The following HPSE2 variants were observed in gnomAD, a reference collection of about 807,000 sequenced individuals.
HPSE2 encodes the protein inactive heparanase-2.
A neutral mutation model predicts 60.5 loss-of-function variants in HPSE2; 38 were observed. The ratio of observed to expected loss-of-function variants is 0.63; its 90% confidence interval spans 0.48 to 0.82. HPSE2 has a LOEUF of 0.82. Among genes scored for constraint, HPSE2 ranks in the 40% least tolerant of loss-of-function variants. The pLI is 0.00. For synonymous variants in HPSE2, 295 were observed against 293.2 expected (o/e 1.01, Z -0.06); for missense variants, 713 against 740.4 (o/e 0.96, Z 0.43).
intron 3 of HPSE2, among the ~76,000 whole-genome samples, chr10:98,805,379 G>A (rs935729338): frequency 2.6e-5 from 4 of 151,868 alleles, no homozygotes; most frequent in African/African-American, 9.7e-5. Context: ...GAGTATAATT[G>A]GATTGTTTAT....
chr10:99,099,381 A>T (rs1843852435), intron 3 of HPSE2, among the ~76,000 whole-genome samples: 1 of 152,190 alleles, frequency 6.6e-6, no homozygotes, highest in Non-Finnish European at 1.5e-5. Context: ...ATGCCCGTGG[A>T]GTCTCGCTCA....
chr10:98,514,052 A>G (rs941924239), intron 9 of HPSE2, among the ~76,000 whole-genome samples: 1 of 152,180 alleles, frequency 6.6e-6, no homozygotes, highest in African/African-American at 2.4e-5. Context: ...ACATATGTAT[A>G]TATATATATT....
intron 9 of HPSE2, among the ~76,000 whole-genome samples, chr10:98,580,881 T>C (rs1944779485): frequency 6.9e-6 from 1 of 145,334 alleles, no homozygotes; most frequent in African/African-American, 2.6e-5. Context: ...ATGATATATA[T>C]AAAATATATA....
chr10:98,571,517 C>T (rs472130), intron 9 of HPSE2, among the ~76,000 whole-genome samples: 130,975 of 152,140 alleles, frequency 0.86, 57,310 homozygotes, highest in East Asian at 1. Context: ...AATTGGCCAA[C>T]AAAATTACAT....
At chr10:98,585,350 C>T (rs11189695) in intron 9 of HPSE2, among the ~76,000 whole-genome samples, 84,054 of 150,664 alleles carry the variant, frequency 0.56, 23,634 homozygotes, top group Admixed American at 0.6. Context: ...TGGCTCACTG[C>T]GACCTCCACC....
At chr10:98,552,213 A>G (rs925936518) in intron 9 of HPSE2, among the ~76,000 whole-genome samples, 1 of 152,138 alleles carries the variant, frequency 6.6e-6, no homozygotes, top group Non-Finnish European at 1.5e-5. Context: ...TTTAAGGGAA[A>G]ATAGGTAGCT....
At chr10:98,781,676 G>A (rs1198093976) in intron 3 of HPSE2, among the ~76,000 whole-genome samples, 1 of 151,662 alleles carries the variant, frequency 6.6e-6, no homozygotes, top group African/African-American at 2.4e-5. Context: ...CACCAAATTG[G>A]CAGAATAATT....
In HPSE2 at chr10:98,653,414, GT is replaced by G. The variant is rs35797951; in HGVS notation, c.1005-11475del. Among the ~76,000 whole-genome samples the G allele has an allele frequency of 1.0e-2, 1,448 of 145,352 alleles. 30 individuals carry two copies. The highest frequency in any genetic ancestry group is 0.047 in the Admixed American group (692 of 14,710). On this transcript the variant is annotated intron_variant, in intron 6 of 11. Transcript: ENST00000370552. ...TAAGTGTTTTCTATTCCTTGTATCT[GT>G]TTTTTTTTTAATCTCTTCTTTTTTT... is the stretch of plus-strand genomic sequence containing the variant.
At chr10:98,610,287 G>A (rs979247774) in intron 9 of HPSE2, among the ~76,000 whole-genome samples, 8 of 152,198 alleles carry the variant, frequency 5.3e-5, no homozygotes, top group African/African-American at 1.9e-4. Flanking sequence ...ACACTTTGGA[G>A]GGAAACAAGG....
the HPSE2 span, among the ~76,000 whole-genome samples, chr10:99,274,581 A>G: frequency 1.3e-5 from 2 of 152,202 alleles, no homozygotes; most frequent in African/African-American, 2.4e-5. Flanking sequence ...TCTGTGTCCA[A>G]ATATTTAAAG....
chr10:98,530,269 T>A (rs1010518766), intron 9 of HPSE2, among the ~76,000 whole-genome samples: 3 of 152,192 alleles, frequency 2.0e-5, no homozygotes, highest in Admixed American at 2.0e-4. Context: ...CTGTGTTCCA[T>A]CCCTCACTTG....
chr10:99,315,434 C>T, the HPSE2 span, among the ~76,000 whole-genome samples: 2 of 152,078 alleles, frequency 1.3e-5, no homozygotes, highest in South Asian at 4.1e-4. Context: ...TCACAGACGA[C>T]CAGAATTCTA....
chr10:98,557,253 G>A (rs942110472), intron 9 of HPSE2, among the ~76,000 whole-genome samples: 3 of 152,050 alleles, frequency 2.0e-5, no homozygotes, highest in African/African-American at 7.2e-5. Flanking sequence ...TTCAGACATC[G>A]AGGTTTTGGT....
intron 3 of HPSE2, among the ~76,000 whole-genome samples, chr10:98,969,504 A>G (rs1288517398): frequency 6.6e-6 from 1 of 152,192 alleles, no homozygotes; most frequent in Non-Finnish European, 1.5e-5. Context: ...GCAAATGGAC[A>G]AGTCTATACT....
At chr10:99,004,274 A>G (rs538598216) in intron 3 of HPSE2, among the ~76,000 whole-genome samples, 1 of 151,290 alleles carries the variant, frequency 6.6e-6, no homozygotes, top group African/African-American at 2.4e-5. Flanking sequence ...AGGGCTTATC[A>G]CTGTTATTTT....
At chr10:98,812,900 C>T (rs1214670390) in intron 3 of HPSE2, among the ~76,000 whole-genome samples, 1 of 152,082 alleles carries the variant, frequency 6.6e-6, no homozygotes, top group African/African-American at 2.4e-5. Context: ...ATAGGAAACC[C>T]TAAGAATATG....
chr10:98,972,894 G>A (rs1955993358), intron 3 of HPSE2, among the ~76,000 whole-genome samples: 1 of 152,076 alleles, frequency 6.6e-6, no homozygotes, highest in Non-Finnish European at 1.5e-5. Context: ...ACATGTATGG[G>A]GTGGGGAGCT....
chr10:98,474,187 C>T (rs1393102306), intron 11 of HPSE2, among the ~76,000 whole-genome samples: 1 of 152,134 alleles, frequency 6.6e-6, no homozygotes, highest in African/African-American at 2.4e-5. Flanking sequence ...GTCCCAGAAA[C>T]AAGTCTTCAT....
In HPSE2 at chr10:99,201,333, G is replaced by C. The variant is rs572318859; in HGVS notation, c.448+31015C>G. Among the ~76,000 whole-genome samples, 3 of 152,024 alleles carry C rather than the reference G, an allele frequency of 2.0e-5. No individual in the cohort carries two copies. The East Asian group carries it at 5.8e-4, about 29-fold the overall frequency. On this transcript the variant is annotated intron_variant, in intron 2 of 11. Coordinates refer to ENST00000370552, the MANE Select transcript of HPSE2 (RefSeq NM_021828.5). Reference sequence around the variant, plus strand: ...ATGTAATCATGCTCATCTCACTCTTGAATATCTTCACTAGCCTTTTTGGTC... The same window carrying C: ...ATGTAATCATGCTCATCTCACTCTTCAATATCTTCACTAGCCTTTTTGGTC...
Sources: gnomAD v4.1 joint callset for allele counts (sites outside exome capture counted in the v4.1 genomes callset) on GRCh38, gnomAD v4.1.1 for gene constraint, MANE v1.5 for transcripts, NCBI Gene and HGNC (gene_info 2026-07-23, HGNC 2026-07-21) for gene names.